Variants in RFTN1 observed in about 807,000 individuals in gnomAD.
The protein encoded by RFTN1 is raftlin, lipid raft linker 1.
A neutral mutation model predicts 46.5 loss-of-function variants in RFTN1; 26 were observed. The observed-to-expected ratio is 0.56, with a 90% CI of 0.41 to 0.78. The LOEUF (loss-of-function observed/expected upper bound fraction) is 0.78. Among genes scored for constraint, RFTN1 ranks in the 30% least tolerant of loss-of-function variants. The pLI is 0.00. For missense variants in RFTN1, 693 were observed against 718.7 expected (o/e 0.96, Z 0.41); for synonymous variants, 261 against 284.2 (o/e 0.92, Z 0.82).
rs1162571763 is a variant in RFTN1 at position 16,471,772 on chromosome 3, A to T, written c.145+21953T>A. Among the ~76,000 whole-genome samples the T allele has an allele frequency of 2.6e-5, 4 of 152,264 alleles. No individual in the cohort carries two copies. In the East Asian group the frequency reaches 7.7e-4, roughly 29 times the overall value. On this transcript the variant is annotated intron_variant, in intron 2 of 9. Coordinates refer to ENST00000334133, the MANE Select transcript of RFTN1 (RefSeq NM_015150.2). ...ATGGCACAAGTTTGATCAAAAAATT[A>T]TGAATTTTAGAAATCAGAATATTTT...
At chr3:16,462,156 C>G (rs544296773) in intron 2 of RFTN1, among the ~76,000 whole-genome samples, 82 of 152,328 alleles carry the variant, frequency 5.4e-4, no homozygotes, top group African/African-American at 1.9e-3. Context: ...GTTCCTAAAC[C>G]TTGCCAAGCC....
At chr3:16,396,650 C>A (rs2125412800) in intron 4 of RFTN1, among the ~76,000 whole-genome samples, 1 of 152,240 alleles carries the variant, frequency 6.6e-6, no homozygotes, top group African/African-American at 2.4e-5. Context: ...CACAGTTACA[C>A]CAAATGTTTG....
rs1027699940 is a variant in RFTN1 at position 16,327,359 on chromosome 3, A to G, written c.1147-483T>C. Reference sequence around the variant, plus strand: ...ATCCACATGTGTGTGTACACGCAGAAGCTGCTTTGCCTGTGTTATGTGCCC... The same window carrying G: ...ATCCACATGTGTGTGTACACGCAGAGGCTGCTTTGCCTGTGTTATGTGCCC... On this transcript the variant is annotated intron_variant, in intron 7 of 9. Coordinates refer to ENST00000334133, the MANE Select transcript of RFTN1 (RefSeq NM_015150.2). The surrounding 1 kb of genome is among the most constrained non-coding windows in gnomAD (Gnocchi z 4.2). Among the ~76,000 whole-genome samples, 1 of 152,216 alleles carries G rather than the reference A, an allele frequency of 6.6e-6. No individual in the cohort carries two copies. Among genetic ancestry groups the G allele is most frequent in the Non-Finnish European group, 1.5e-5 (1 of 68,036 alleles).
chr3:16,464,668 C>T (rs1306876388), intron 2 of RFTN1, among the ~76,000 whole-genome samples: 1 of 152,268 alleles, frequency 6.6e-6, no homozygotes, highest in Non-Finnish European at 1.5e-5. Flanking sequence ...AAGTCCAGCC[C>T]ACTGCCTGGT....
chr3:16,433,776 C>T lies in RFTN1; in HGVS notation c.332+75G>A. 6.7e-7 allele frequency: 1 copy of T among 1,495,802 alleles called. No homozygotes were observed. Among genetic ancestry groups the T allele is most frequent in the Non-Finnish European group, 9.3e-7 (1 of 1,074,392 alleles). The allele number at this position is 1,495,802 out of a possible 1,614,324, so 92.7% of individuals were successfully genotyped here. Reference sequence around the variant, plus strand: ...GCAAATTTCAACCCCCAACCCCATCCTCTCACTTCCCCTCCTCTATTGAGC... The same window carrying T: ...GCAAATTTCAACCCCCAACCCCATCTTCTCACTTCCCCTCCTCTATTGAGC... On this transcript the variant is annotated intron_variant, in intron 3 of 9. Transcript: ENST00000334133. The surrounding 1 kb of genome is among the most constrained non-coding windows in gnomAD (Gnocchi z 4.4).
chr3:16,492,680 C>G (rs563603545), intron 2 of RFTN1, among the ~76,000 whole-genome samples: 1 of 152,240 alleles, frequency 6.6e-6, no homozygotes, highest in African/African-American at 2.4e-5. Flanking sequence ...CTCCTGGGAC[C>G]CAAAAAGAAT....
In RFTN1 at chr3:16,427,728, C is replaced by T. The variant is rs1237268965; in HGVS notation, c.332+6123G>A. ...TAAGTCAGCAGCTAGAGAAGTGGGC[C>T]CTGGCCTGAGGGGCTCATTACAGCA... On this transcript the variant is annotated intron_variant, in intron 3 of 9. Transcript: ENST00000334133. This position sits in a 1 kb window ranked among gnomAD's most constrained non-coding sequence, Gnocchi z 5.4. 2.6e-5 allele frequency among the ~76,000 whole-genome samples: 4 copies of T among 152,172 alleles called. No individual in the cohort carries two copies. The highest frequency in any genetic ancestry group is 4.8e-5 in the African/African-American group (2 of 41,438).
intron 4 of RFTN1, among the ~76,000 whole-genome samples, chr3:16,399,104 G>A (rs2074541912): frequency 6.6e-6 from 1 of 152,040 alleles, no homozygotes; most frequent in South Asian, 2.1e-4. Context: ...CATATGATAT[G>A]TGCTCCAAAT....
chr3:16,454,302 C>T (rs148227470), intron 2 of RFTN1, among the ~76,000 whole-genome samples: 410 of 152,318 alleles, frequency 2.7e-3, no homozygotes, highest in African/African-American at 9.1e-3. Context: ...GGAGTGAGAC[C>T]ATGCCGTGCT....
rs1398455677 is a variant in RFTN1 at position 16,465,124 on chromosome 3, T to A, written c.145+28601A>T. Among the ~76,000 whole-genome samples, 3 of 152,116 alleles carry A rather than the reference T, an allele frequency of 2.0e-5. No individual in the cohort carries two copies. The highest frequency in any genetic ancestry group is 4.4e-5 in the Non-Finnish European group (3 of 68,028). ...CTCAGCGAACACAATTAAGGGTCTT[T>A]CTATTTTTGGAATATTTGGGGAATT... On this transcript the variant is annotated intron_variant, in intron 2 of 9. Coordinates refer to ENST00000334133, the MANE Select transcript of RFTN1 (RefSeq NM_015150.2). This position sits in a 1 kb window ranked among gnomAD's most constrained non-coding sequence, Gnocchi z 5.1.
At chr3:16,360,398 G>A (rs1222657120) in intron 6 of RFTN1, among the ~76,000 whole-genome samples, 1 of 152,082 alleles carries the variant, frequency 6.6e-6, no homozygotes, top group African/African-American at 2.4e-5. Flanking sequence ...TCGGACTGCT[G>A]GACTCCCAAA....
At position 16,429,366 on chromosome 3, in the gene RFTN1, T is replaced by C. The variant is rs1176534657; in HGVS notation, c.332+4485A>G. Among the ~76,000 whole-genome samples, 18 of 152,146 alleles carry C rather than the reference T, an allele frequency of 1.2e-4. No individual in the cohort carries two copies. Among genetic ancestry groups the C allele is most frequent in the Admixed American group, 1.2e-3 (18 of 15,268 alleles). On this transcript the variant is annotated intron_variant, in intron 3 of 9. Transcript: ENST00000334133. The surrounding 1 kb of genome is among the most constrained non-coding windows in gnomAD (Gnocchi z 6.4). ...ATTACTCAAATACTACTAGAAAACA[T>C]TTCATTAGGAGATTTAAATAAACTC...
At chr3:16,511,410 T>C (rs1444079655) in intron 1 of RFTN1, among the ~76,000 whole-genome samples, 2 of 152,192 alleles carry the variant, frequency 1.3e-5, no homozygotes, top group Non-Finnish European at 2.9e-5. Flanking sequence ...CAGCTGGACT[T>C]ATGGATGGAC....
chr3:16,358,344 G>A (rs545494185), intron 6 of RFTN1, among the ~76,000 whole-genome samples: 7 of 152,132 alleles, frequency 4.6e-5, no homozygotes, highest in South Asian at 4.2e-4. Context: ...ATGCTCCAGC[G>A]TCAGGATGCA....
intron 9 of RFTN1, among the ~76,000 whole-genome samples, chr3:16,323,066 G>A (rs1472630044): frequency 6.6e-6 from 1 of 152,202 alleles, no homozygotes; most frequent in Non-Finnish European, 1.5e-5. Flanking sequence ...TGGTCAGGCT[G>A]CAGCTGACTT....
At chr3:16,375,324 G>A (rs1209388418) in intron 5 of RFTN1, among the ~76,000 whole-genome samples, 3 of 152,142 alleles carry the variant, frequency 2.0e-5, no homozygotes, top group Non-Finnish European at 4.4e-5. Flanking sequence ...GTCCCTGGAC[G>A]TTCAGCCTTC....
intron 8 of RFTN1, among the ~76,000 whole-genome samples, chr3:16,324,333 C>A (rs191954828): frequency 6.6e-6 from 1 of 152,122 alleles, no homozygotes; most frequent in Non-Finnish European, 1.5e-5. Flanking sequence ...CTATACAAGG[C>A]ATTATTGTTT....
At chr3:16,379,992 C>T (rs2073929983) in intron 4 of RFTN1, among the ~76,000 whole-genome samples, 1 of 152,194 alleles carries the variant, frequency 6.6e-6, no homozygotes, top group Non-Finnish European at 1.5e-5. Context: ...GAGGAGACAC[C>T]TGCACTAGCT....
In RFTN1 at chr3:16,468,731, T is replaced by C. The variant is rs2076144576; in HGVS notation, c.145+24994A>G. 6.6e-6 allele frequency among the ~76,000 whole-genome samples: 1 copy of C among 151,806 alleles called. No individual in the cohort carries two copies. The stretch of plus-strand genomic sequence containing the variant: ...GGAAATTGCAACTAGCTGTAGCCAA[T>C]TCAAGCTGAGCCAATTATCACCAAT... On this transcript the variant is annotated intron_variant, in intron 2 of 9. Coordinates refer to ENST00000334133, the MANE Select transcript of RFTN1 (RefSeq NM_015150.2). This position sits in a 1 kb window ranked among gnomAD's most constrained non-coding sequence, Gnocchi z 4.4.
Sources: gnomAD v4.1 joint callset for allele counts (sites outside exome capture counted in the v4.1 genomes callset) on GRCh38, gnomAD v4.1.1 for gene constraint, Gnocchi (gnomAD v3.1) non-coding constraint, MANE v1.5 for transcripts, NCBI Gene and HGNC (gene_info 2026-07-23, HGNC 2026-07-21) for gene names.